Variants in ADGRE2 observed in about 807,000 individuals in gnomAD.
ADGRE2 encodes CD97 antigen.
ADGRE2 carries 83 observed loss-of-function variants against 100.8 expected under a neutral mutation model. The observed-to-expected ratio is 0.82, with a 90% CI of 0.69 to 0.99. ADGRE2 has a LOEUF of 0.99. Ranked by LOEUF, ADGRE2 falls within the 50% of genes least tolerant of loss-of-function variation. The probability of loss-of-function intolerance (pLI) is 0.00; values close to 1 mark genes in which losing one functional copy is unlikely to be tolerated. For missense variants in ADGRE2, 814 were observed against 1,035.7 expected, an observed-to-expected ratio of 0.79 and a Z score of 2.94; for synonymous variants, 355 against 413.0, an observed-to-expected ratio of 0.86 and a Z score of 1.70.
intron 11 of ADGRE2, among the ~76,000 whole-genome samples, chr19:14,762,576 C>G (rs1440038544): frequency 1.3e-5 from 2 of 152,012 alleles, no homozygotes; most frequent in African/African-American, 2.4e-5. Context: ...GGTTGTATAA[C>G]TTTCTGAATA....
At chr19:14,759,508 T>TTC (rs2043633393) in intron 11 of ADGRE2, among the ~76,000 whole-genome samples, 1 of 148,372 alleles carries the variant, frequency 6.7e-6, no homozygotes, top group Non-Finnish European at 1.5e-5. Context: ...TATATATTTT[T>TTC]TTTTTTTAGA....
At chr19:14,764,067 G>A (rs560837558) in intron 11 of ADGRE2, among the ~76,000 whole-genome samples, 38 of 138,782 alleles carry the variant, frequency 2.7e-4, no homozygotes, top group South Asian at 9.3e-4. Flanking sequence ...CCTCCTCTTC[G>A]TCTTCTCTTT....
chr19:14,729,360 CTT>C (rs59225167), downstream of ADGRE2, among the ~76,000 whole-genome samples: 3 of 146,916 alleles, frequency 2.0e-5, no homozygotes, highest in Non-Finnish European at 4.5e-5. Flanking sequence ...AAACGATACA[CTT>C]TTTTTTTTTG....
the ADGRE2 span, among the ~76,000 whole-genome samples, chr19:14,725,431 A>G: frequency 3.9e-5 from 6 of 152,144 alleles, no homozygotes; most frequent in African/African-American, 1.4e-4. Context: ...TCCCTTCTAA[A>G]TACCTCCCCA....
At chr19:14,757,401 AGG>A (rs2147295318) in intron 11 of ADGRE2, among the ~76,000 whole-genome samples, 1 of 54,548 alleles carries the variant, frequency 1.8e-5, no homozygotes, top group East Asian at 9.2e-4. Flanking sequence ...TGGTGTTGTA[AGG>A]AATCCAAATA....
At chr19:14,760,213 C>T (rs932396859) in intron 11 of ADGRE2, among the ~76,000 whole-genome samples, 5 of 152,114 alleles carry the variant, frequency 3.3e-5, no homozygotes, top group African/African-American at 1.2e-4. Flanking sequence ...TTCAATTGTT[C>T]CCAACACATA....
intron 16 of ADGRE2, among the ~76,000 whole-genome samples, chr19:14,747,954 A>G (rs1167226149): frequency 1.3e-5 from 2 of 152,152 alleles, no homozygotes; most frequent in Non-Finnish European, 2.9e-5. Context: ...TACTGCTTCT[A>G]TGAGCATTCA....
chr19:14,735,932 C>T lies in ADGRE2; in HGVS notation c.*304G>A. ...GAGGAGTCTTTGTAGGAAGGAGAGG[C>T]TGTGAAAGAGGTCTTAACGTTCTAT... On this transcript the variant is annotated 3_prime_UTR_variant, in exon 21 of 21. Coordinates refer to ENST00000315576, the MANE Select transcript of ADGRE2 (RefSeq NM_013447.4). The T allele has an allele frequency of 4.3e-6, 1 of 233,058 alleles. No individual in the cohort carries two copies. Among genetic ancestry groups the T allele is most frequent in the Non-Finnish European group, 8.4e-6 (1 of 119,214 alleles). The allele number at this position is 233,058 out of a possible 1,614,324, so 14.4% of individuals were successfully genotyped here.
chr19:14,761,886 C>T (rs1331818954), intron 11 of ADGRE2, among the ~76,000 whole-genome samples: 1 of 152,186 alleles, frequency 6.6e-6, no homozygotes, highest in African/African-American at 2.4e-5. Context: ...CTATAAAATC[C>T]GGTGCCCTCT....
intron 11 of ADGRE2, among the ~76,000 whole-genome samples, chr19:14,760,961 A>G (rs192046316): frequency 3.9e-4 from 60 of 152,152 alleles, no homozygotes; most frequent in Non-Finnish European, 6.8e-4. Flanking sequence ...CCTTCAACCA[A>G]CTGCCAATCA....
Position 14,735,532 on chromosome 19 carries a change from A to G in ADGRE2, c.*704T>C, listed in dbSNP as rs1013493112. ...ATTTGTTGCACATCCCCGATCTGAGATTAGAAACTTTTCTGCATGTTGGTG... is the reference window on the plus strand; with the variant it reads ...ATTTGTTGCACATCCCCGATCTGAGGTTAGAAACTTTTCTGCATGTTGGTG... On this transcript the variant is annotated 3_prime_UTR_variant, in exon 21 of 21. Coordinates refer to ENST00000315576, the MANE Select transcript of ADGRE2 (RefSeq NM_013447.4). 3 of 152,222 alleles carry G rather than the reference A, an allele frequency of 2.0e-5. No homozygotes were observed. The highest frequency in any genetic ancestry group is 4.8e-5 in the African/African-American group (2 of 41,464). 9.4% of individuals were successfully genotyped at this position (152,222 alleles called of 1,614,324 possible). A position where few individuals can be genotyped will look rare whatever the true frequency, so the allele number is the denominator to read the frequency against.
rs569671759 is a variant in ADGRE2 at position 14,746,774 on chromosome 19, G to T, written c.2091+122C>A. On this transcript the variant is annotated intron_variant, in intron 17 of 20. Coordinates refer to ENST00000315576, the MANE Select transcript of ADGRE2 (RefSeq NM_013447.4). ...GTTTGAAGATTCAAGAGTGGTCTTA[G>T]GAAACCTAACCCAACCCATGACAAC... The T allele has an allele frequency of 1.1e-5, 9 of 846,404 alleles. No homozygotes were observed. The East Asian group carries it at 2.1e-4, about 20-fold the overall frequency. 52.4% of individuals were successfully genotyped at this position (846,404 alleles called of 1,614,324 possible). A position where few individuals can be genotyped will look rare whatever the true frequency, so the allele number is the denominator to read the frequency against.
chr19:14,741,030 G>A (rs1255245297), intron 20 of ADGRE2, among the ~76,000 whole-genome samples: 2 of 150,632 alleles, frequency 1.3e-5, no homozygotes, highest in African/African-American at 2.4e-5. Context: ...CACGCCCAGC[G>A]AATTTTTAAA....
intron 5 of ADGRE2, 121 bp from the exon 6 acceptor site, chr19:14,767,230 TTTTC>T (rs1474766376): frequency 1.1e-5 from 16 of 1,503,916 alleles, no homozygotes; most frequent in East Asian, 2.3e-5. Flanking sequence ...CTCCCTTTTC[TTTTC>T]TTTCTTTCTT....
intron 11 of ADGRE2, among the ~76,000 whole-genome samples, chr19:14,757,504 A>G (rs972266077): frequency 1.3e-5 from 2 of 152,360 alleles, no homozygotes; most frequent in African/African-American, 4.8e-5. Context: ...TAATACTGGC[A>G]TAAGGACACA....
intron 4 of ADGRE2, among the ~76,000 whole-genome samples, chr19:14,773,112 A>G (rs550806154): frequency 1.3e-3 from 192 of 148,898 alleles, no homozygotes; most frequent in African/African-American, 4.5e-3. Context: ...AAAAAAAAAG[A>G]AAAAAGAAAA....
At chr19:14,767,456 G>A (rs1280257324) in intron 5 of ADGRE2, among the ~76,000 whole-genome samples, 1 of 152,000 alleles carries the variant, frequency 6.6e-6, no homozygotes, top group Non-Finnish European at 1.5e-5. Flanking sequence ...AGCCAGGATG[G>A]TCTTGATCTC....
chr19:14,765,232 G>GT, intron 10 of ADGRE2, 88 bp downstream of exon 10: 1 of 1,424,326 alleles, frequency 7.0e-7, no homozygotes, highest in East Asian at 2.3e-5. Context: ...ATTGGGTCCT[G>GT]TCCCCTCCCA....
At chr19:14,731,464 C>T (rs1415444321), downstream of ADGRE2, 7 of 469,898 alleles carry the variant, frequency 1.5e-5, no homozygotes, top group East Asian at 1.8e-4. Flanking sequence ...TTTCCCCAGC[C>T]GTGCAATGAC....
Sources: allele counts gnomAD v4.1 joint callset (sites outside exome capture counted in the v4.1 genomes callset), GRCh38; gene constraint gnomAD v4.1.1; transcripts MANE v1.5; gene names NCBI Gene and HGNC (gene_info 2026-07-23, HGNC 2026-07-21).